Variants in MYOM2 observed in about 807,000 individuals in gnomAD.
The protein encoded by MYOM2 is myomesin 2, also known as myomesin-2.
MYOM2 carries 254 observed loss-of-function variants against 187.6 expected under a neutral mutation model. The observed-to-expected ratio is 1.35, with a 90% CI of 1.22 to 1.50. The LOEUF (loss-of-function observed/expected upper bound fraction) is 1.50, where lower values mean the gene tolerates loss of function less well. Ranked by LOEUF, MYOM2 falls within the 40% of genes most tolerant of loss-of-function variation. The pLI is 0.00. For missense variants in MYOM2, 2,796 were observed against 1,924.0 expected (o/e 1.45, Z -8.48); for synonymous variants, 981 against 753.8 (o/e 1.30, Z -4.94).
At chr8:2,085,157 A>G in intron 13 of MYOM2, 106 bp from the exon 14 acceptor site, 1 of 1,413,572 alleles carries the variant, frequency 7.1e-7, no homozygotes, top group Non-Finnish European at 9.6e-7. Context: ...AATAGAAACA[A>G]AACAAGTTCA....
intron 10 of MYOM2, among the ~76,000 whole-genome samples, chr8:2,075,120 G>T (rs1819373167): frequency 6.6e-6 from 1 of 152,192 alleles, no homozygotes; most frequent in Admixed American, 6.5e-5. Context: ...CATCTGAAAA[G>T]AAAGAGAAGA....
In MYOM2 at chr8:2,098,881, C is replaced by G. The variant is rs1796586844; in HGVS notation, c.2338C>G (p.Leu780Val). Residue 780 changes from leucine (L) to valine (V), a missense_variant, in exon 19 of 37, where the codon CTC (leucine) becomes GTC (valine). Leu to Val is a conservative substitution (Grantham distance 32, BLOSUM62 1). Coordinates refer to ENST00000262113, the MANE Select transcript of MYOM2 (RefSeq NM_003970.4). ...LTVDGLTEGSLYEFKIAAVNL... is the reference protein window; with the variant it reads ...LTVDGLTEGSVYEFKIAAVNL... Reference sequence around the variant, plus strand: ...GGTGGACGGCTTGACGGAAGGCTCACTCTACGAGTTCAAAATCGCCGCCGT... The same window carrying G: ...GGTGGACGGCTTGACGGAAGGCTCAGTCTACGAGTTCAAAATCGCCGCCGT... The G allele has an allele frequency of 6.2e-7, 1 of 1,613,448 alleles. No homozygotes were observed. The highest frequency in any genetic ancestry group is 8.5e-7 in the Non-Finnish European group (1 of 1,179,722).
At position 2,106,604 on chromosome 8, in the gene MYOM2, T is replaced by C; in HGVS notation, c.2998+7T>C. 6.3e-7 allele frequency: 1 copy of C among 1,583,604 alleles called. No individual in the cohort carries two copies. ...TTTGTTCTGGACCCAGAAGGTAATA[T>C]TTATATGGCAGAACCTTGCCTGTTT... On this transcript the variant is annotated splice_region_variant and intron_variant, in intron 23 of 36. Coordinates refer to ENST00000262113, the MANE Select transcript of MYOM2 (RefSeq NM_003970.4).
Position 2,144,756 on chromosome 8 carries a change from C to G in MYOM2, c.4173C>G (p.Phe1391Leu), listed in dbSNP as rs553419316. ...NDQDIQLSEH[F>L]SVKVEQAKYV... ...AGGACATCCAGCTCAGCGAGCACTTCTCGGTGAAGGTGGAGCAGGCCAAGT... is the reference window on the plus strand; with the variant it reads ...AGGACATCCAGCTCAGCGAGCACTTGTCGGTGAAGGTGGAGCAGGCCAAGT... Residue 1391 changes from phenylalanine to leucine, a missense_variant, in exon 37 of 37, where the codon TTC (phenylalanine) becomes TTG (leucine). Phe to Leu is a conservative substitution (Grantham distance 22). Coordinates refer to ENST00000262113, the MANE Select transcript of MYOM2 (RefSeq NM_003970.4). The G allele has an allele frequency of 1.2e-6, 2 of 1,614,228 alleles. No homozygotes were observed. The highest frequency in any genetic ancestry group is 2.2e-5 in the East Asian group (1 of 44,872).
intron 35 of MYOM2, 53 bp from the exon 36 acceptor site, chr8:2,143,348 C>T: frequency 6.2e-7 from 1 of 1,608,836 alleles, no homozygotes; most frequent in Non-Finnish European, 8.5e-7. Flanking sequence ...GGCTCCTGCT[C>T]CGTGGGAACG....
At chr8:2,067,269 T>C (rs1819049212) in intron 6 of MYOM2, among the ~76,000 whole-genome samples, 1 of 152,212 alleles carries the variant, frequency 6.6e-6, no homozygotes, top group South Asian at 2.1e-4. Context: ...GGCTTCTTAA[T>C]GCATTTGAAA....
chr8:2,046,149 T>C (rs1177028426), intron 1 of MYOM2, among the ~76,000 whole-genome samples: 2 of 152,224 alleles, frequency 1.3e-5, no homozygotes, highest in Non-Finnish European at 2.9e-5. Flanking sequence ...TTATTGACTT[T>C]GACATTTTTA....
intron 19 of MYOM2, among the ~76,000 whole-genome samples, chr8:2,099,555 G>T (rs1796613397): frequency 6.6e-6 from 1 of 152,160 alleles, no homozygotes; most frequent in Non-Finnish European, 1.5e-5. Flanking sequence ...AGGCATCATT[G>T]TTGCAGACCT....
At chr8:2,144,254 C>T (rs777219522) in intron 36 of MYOM2, among the ~76,000 whole-genome samples, 1 of 151,250 alleles carries the variant, frequency 6.6e-6, no homozygotes, top group East Asian at 1.9e-4. Flanking sequence ...AGTTATAAAA[C>T]GATATATTCA....
At chr8:2,080,954 T>G (rs1215535237) in intron 13 of MYOM2, among the ~76,000 whole-genome samples, 2 of 127,876 alleles carry the variant, frequency 1.6e-5, no homozygotes, top group African/African-American at 6.1e-5. Flanking sequence ...CCTTGCAGAA[T>G]GAGGTTTGGT....
intron 2 of MYOM2, 33 bp downstream of exon 2, chr8:2,050,906 G>A (rs1452008964): frequency 6.6e-7 from 1 of 1,515,050 alleles, no homozygotes; most frequent in Admixed American, 1.7e-5. Context: ...GACGCGCAGA[G>A]CTTTGATTAT....
intron 21 of MYOM2, among the ~76,000 whole-genome samples, chr8:2,103,459 G>T (rs934646256): frequency 7.3e-6 from 1 of 136,774 alleles, no homozygotes. Flanking sequence ...GTGTGCATGT[G>T]TTATGTGTAT....
In MYOM2 at chr8:2,096,379, A is replaced by C. The variant is rs1410944632; in HGVS notation, c.2258A>C (p.His753Pro). The C allele has an allele frequency of 6.2e-7, 1 of 1,614,222 alleles. No individual in the cohort carries two copies. The highest frequency in any genetic ancestry group is 8.5e-7 in the Non-Finnish European group (1 of 1,180,048). Residue 753 changes from histidine to proline, a missense_variant, in exon 18 of 37, where the codon CAC (histidine) becomes CCC (proline). Physicochemically the swap from His to Pro is moderately conservative, Grantham distance 77. Coordinates refer to ENST00000262113, the MANE Select transcript of MYOM2 (RefSeq NM_003970.4). ...TACTACCTGGACAAGCGTGAAGTTC[A>C]CCATAAAAACTGGCACGAGGTCAAT... ...LGYYLDKREV[H>P]HKNWHEVNSS... is the part of the protein sequence containing the mutation.
intron 35 of MYOM2, among the ~76,000 whole-genome samples, chr8:2,142,686 C>T (rs1216449435): frequency 3.2e-4 from 46 of 145,058 alleles, no homozygotes; most frequent in Non-Finnish European, 5.6e-4. Flanking sequence ...TCTTTCCCTC[C>T]CTTCCTCCCT....
chr8:2,099,216 G>A (rs1315985689), intron 19 of MYOM2, among the ~76,000 whole-genome samples: 1 of 152,232 alleles, frequency 6.6e-6, no homozygotes, highest in Non-Finnish European at 1.5e-5. Context: ...CAGAGTAGGA[G>A]GCCCTGAGGG....
At chr8:2,138,958 ACACT>A (rs1798177760) in intron 32 of MYOM2, among the ~76,000 whole-genome samples, 1 of 147,170 alleles carries the variant, frequency 6.8e-6, no homozygotes, top group Non-Finnish European at 1.5e-5. Context: ...GTTCCGACAC[ACACT>A]GCCAGCACCA....
At chr8:2,135,778 G>A (rs1798047670) in intron 32 of MYOM2, among the ~76,000 whole-genome samples, 1 of 152,184 alleles carries the variant, frequency 6.6e-6, no homozygotes, top group South Asian at 2.1e-4. Flanking sequence ...ATCCCTATAT[G>A]TCCAAGTCAT....
rs1011061366 is a variant in MYOM2, at chr8:2,145,291, C to T, written c.*310C>T. ...GGGTGTGGGCACATGGGTGTGGCACCTGGACGTGTGCAGCATGTGGCGGTC... is the reference window on the plus strand; with the variant it reads ...GGGTGTGGGCACATGGGTGTGGCACTTGGACGTGTGCAGCATGTGGCGGTC... On this transcript the variant is annotated 3_prime_UTR_variant, in exon 37 of 37. Transcript: ENST00000262113. 32 of 491,572 alleles carry T rather than the reference C, an allele frequency of 6.5e-5. No homozygotes were observed. The highest frequency in any genetic ancestry group is 5.2e-4 in the Middle Eastern group (1 of 1,920). The allele number at this position is 491,572 out of a possible 1,614,324, so 30.5% of individuals were successfully genotyped here. A position where few individuals can be genotyped will look rare whatever the true frequency, so the allele number is the denominator to read the frequency against.
At chr8:2,055,746 C>T (rs1490715079) in intron 3 of MYOM2, among the ~76,000 whole-genome samples, 4 of 152,242 alleles carry the variant, frequency 2.6e-5, no homozygotes, top group Non-Finnish European at 5.9e-5. Flanking sequence ...GGAAGCACCT[C>T]GGACAGAGGC....
Sources: allele counts gnomAD v4.1 joint callset (sites outside exome capture counted in the v4.1 genomes callset), GRCh38; gene constraint gnomAD v4.1.1; transcripts MANE v1.5; gene names NCBI Gene and HGNC (gene_info 2026-07-23, HGNC 2026-07-21).